ADARB2: variants seen among roughly 807,000 people sequenced by gnomAD.
ADARB2 encodes the protein inactive double-stranded RNA-specific editase B2.
In ADARB2, 25 loss-of-function variants were observed where a neutral mutation model predicts 62.2. The observed-to-expected ratio is 0.40, with a 90% CI of 0.29 to 0.56. ADARB2 has a LOEUF of 0.56. Among genes scored for constraint, ADARB2 ranks in the 20% least tolerant of loss-of-function variants. The pLI, the probability that ADARB2 is intolerant of heterozygous loss-of-function variation, is 0.43. For missense variants in ADARB2, 1,071 were observed against 1,077.4 expected, an observed-to-expected ratio of 0.99 and a Z score of 0.08; for synonymous variants, 572 against 500.8, an observed-to-expected ratio of 1.14 and a Z score of -1.90.
At chr10:1,658,674 G>GGA (rs1834204362) in intron 1 of ADARB2, among the ~76,000 whole-genome samples, 1 of 152,224 alleles carries the variant, frequency 6.6e-6, no homozygotes, top group Non-Finnish European at 1.5e-5. Flanking sequence ...GTCTGCATCA[G>GGA]GAGGTCTCCT....
At chr10:1,480,826 AC>A in intron 1 of ADARB2, among the ~76,000 whole-genome samples, 1 of 152,372 alleles carries the variant, frequency 6.6e-6, no homozygotes, top group Non-Finnish European at 1.5e-5. Flanking sequence ...GAAATAAAAG[AC>A]ATAAATAAAT....
chr10:1,529,799 GCAGGGCAAAGGA>G (rs988488692), intron 1 of ADARB2, among the ~76,000 whole-genome samples: 11 of 152,204 alleles, frequency 7.2e-5, no homozygotes, highest in African/African-American at 2.2e-4. Flanking sequence ...AGGGGCACGC[GCAGGGCAAAGGA>G]CAGGGTATCT....
intron 1 of ADARB2, among the ~76,000 whole-genome samples, chr10:1,639,663 T>G (rs903192967): frequency 1.3e-5 from 2 of 152,106 alleles, no homozygotes; most frequent in Non-Finnish European, 2.9e-5. Flanking sequence ...ACCAACATGG[T>G]GAAACCTGTC....
chr10:1,474,242 A>G (rs879444795), intron 1 of ADARB2, among the ~76,000 whole-genome samples: 13 of 152,228 alleles, frequency 8.5e-5, no homozygotes, highest in Non-Finnish European at 1.6e-4. Flanking sequence ...AGCTCCCAGC[A>G]TCCTTGTGTA....
chr10:1,365,147 C>T (rs758638951), intron 2 of ADARB2, among the ~76,000 whole-genome samples: 6 of 152,098 alleles, frequency 3.9e-5, no homozygotes, highest in Admixed American at 6.6e-5. Context: ...GCTGGGATTA[C>T]GGATGAGAGC....
Position 1,312,001 on chromosome 10 carries a change from C to T in ADARB2, c.1078-40932G>A, listed in dbSNP as rs920963978. ...GACTCAGGATGGAATCTTTAATTAC[C>T]AGAGTCTCATTTCTGCTTCACGAGC... On this transcript the variant is annotated intron_variant, in intron 3 of 9. Transcript: ENST00000381312. Among the ~76,000 whole-genome samples, 6 of 152,196 alleles carry T rather than the reference C, an allele frequency of 3.9e-5. No homozygotes were observed. The South Asian group carries it at 8.3e-4, about 21-fold the overall frequency.
intron 3 of ADARB2, among the ~76,000 whole-genome samples, chr10:1,343,788 C>T (rs1174201868): frequency 1.3e-5 from 2 of 152,170 alleles, no homozygotes; most frequent in Non-Finnish European, 1.5e-5. Flanking sequence ...AGCCAAATAT[C>T]CATGTTCTCA....
intron 2 of ADARB2, among the ~76,000 whole-genome samples, chr10:1,368,913 T>C (rs79049672): frequency 0.026 from 516 of 19,738 alleles, 1 homozygote; most frequent in Admixed American, 0.05. Context: ...GGGCCGAGCT[T>C]GCCCTGTGGT....
intron 1 of ADARB2, among the ~76,000 whole-genome samples, chr10:1,489,296 A>G (rs964561689): frequency 4.0e-5 from 6 of 149,104 alleles, no homozygotes; most frequent in Non-Finnish European, 8.8e-5. Flanking sequence ...CTTCCCTTTC[A>G]GCAAGGCGTG....
intron 1 of ADARB2, among the ~76,000 whole-genome samples, chr10:1,468,350 G>C (rs1831283294): frequency 6.6e-6 from 1 of 152,136 alleles, no homozygotes; most frequent in African/African-American, 2.4e-5. Flanking sequence ...TGTTAGTCCG[G>C]GTCCCTGATG....
At chr10:1,308,416 G>A (rs865893990) in intron 3 of ADARB2, among the ~76,000 whole-genome samples, 115 of 152,250 alleles carry the variant, frequency 7.6e-4, no homozygotes, top group African/African-American at 2.4e-3. Flanking sequence ...GGGCGTTTTC[G>A]TTGCTTTCAT....
intron 1 of ADARB2, among the ~76,000 whole-genome samples, chr10:1,494,654 G>T (rs1220530877): frequency 6.6e-6 from 1 of 152,086 alleles, no homozygotes; most frequent in Non-Finnish European, 1.5e-5. Flanking sequence ...CTATATCCAG[G>T]TGACAACAGT....
intron 3 of ADARB2, among the ~76,000 whole-genome samples, chr10:1,295,020 T>G (rs959368470): frequency 3.9e-5 from 6 of 152,244 alleles, no homozygotes; most frequent in African/African-American, 1.4e-4. Flanking sequence ...AGCTGGCTTC[T>G]GCGGGAACGG....
intron 1 of ADARB2, among the ~76,000 whole-genome samples, chr10:1,625,018 C>A (rs893791487): frequency 7.2e-5 from 11 of 152,220 alleles, no homozygotes; most frequent in African/African-American, 2.7e-4. Context: ...ACACAGGTTT[C>A]TCCTACTGTT....
At chr10:1,588,469 C>G (rs965758039) in intron 1 of ADARB2, among the ~76,000 whole-genome samples, 1 of 152,130 alleles carries the variant, frequency 6.6e-6, no homozygotes, top group African/African-American at 2.4e-5. Context: ...AAACAGATTC[C>G]CCCTTGGTAG....
intron 1 of ADARB2, among the ~76,000 whole-genome samples, chr10:1,669,520 ACACT>A (rs1233248683): frequency 5.9e-5 from 9 of 152,066 alleles, no homozygotes; most frequent in Admixed American, 5.2e-4. Flanking sequence ...ACACACAGAC[ACACT>A]CACAGAGAAA....
chr10:1,624,351 G>A (rs543990141), intron 1 of ADARB2, among the ~76,000 whole-genome samples: 41 of 152,310 alleles, frequency 2.7e-4, no homozygotes, highest in Admixed American at 1.5e-3. Flanking sequence ...GGTTCTCCTC[G>A]TATTATCTGA....
At chr10:1,501,139 C>G (rs563859414) in intron 1 of ADARB2, among the ~76,000 whole-genome samples, 2 of 152,176 alleles carry the variant, frequency 1.3e-5, no homozygotes, top group Non-Finnish European at 2.9e-5. Flanking sequence ...TCCCAAAGTG[C>G]TGGGATTATA....
intron 1 of ADARB2, among the ~76,000 whole-genome samples, chr10:1,689,966 GAAAT>G (rs1414422221): frequency 2.0e-5 from 3 of 152,154 alleles, no homozygotes; most frequent in Admixed American, 6.5e-5. Flanking sequence ...CAGAAAGAAA[GAAAT>G]GTGGGGTTTT....
Sources: gnomAD v4.1 joint callset for allele counts (sites outside exome capture counted in the v4.1 genomes callset) on GRCh38, gnomAD v4.1.1 for gene constraint, MANE v1.5 for transcripts, NCBI Gene and HGNC (gene_info 2026-07-23, HGNC 2026-07-21) for gene names.